KCNAB1: variants seen among roughly 807,000 people sequenced by gnomAD.
KCNAB1 encodes the protein voltage-gated potassium channel subunit beta-1.
Under a neutral mutation model 64.6 loss-of-function variants are expected in KCNAB1, and 35 were observed. That is an observed-to-expected ratio of 0.54 (90% CI 0.41 to 0.72). The LOEUF (loss-of-function observed/expected upper bound fraction) is 0.72, where lower values mean the gene tolerates loss of function less well. KCNAB1 is among the 30% of genes least tolerant of loss of function. The pLI, the probability that KCNAB1 is intolerant of heterozygous loss-of-function variation, is 0.00. For missense variants in KCNAB1, 401 were observed against 512.9 expected (o/e 0.78, Z 2.11); for synonymous variants, 177 against 183.8 (o/e 0.96, Z 0.30).
In KCNAB1 at chr3:156,505,258, A is replaced by G. The variant is rs536414610; in HGVS notation, c.659-9106A>G. Reference sequence around the variant, plus strand: ...TATTTCTAGTCTATTCCATTGATCTATGTGTCTGTTTTTATGCCAGTATCA... The same window carrying G: ...TATTTCTAGTCTATTCCATTGATCTGTGTGTCTGTTTTTATGCCAGTATCA... On this transcript the variant is annotated intron_variant, in intron 8 of 13. Transcript: ENST00000490337. Among the ~76,000 whole-genome samples, 20 of 152,184 alleles carry G rather than the reference A, an allele frequency of 1.3e-4. No individual in the cohort carries two copies. The East Asian group carries it at 3.9e-3, about 29-fold the overall frequency.
At chr3:156,170,221 G>GT (rs527980009) in intron 1 of KCNAB1, among the ~76,000 whole-genome samples, 5,735 of 130,452 alleles carry the variant, frequency 0.044, 134 homozygotes, top group South Asian at 0.078. Flanking sequence ...CCAAGGAATC[G>GT]TTTTTTTTTT....
intron 1 of KCNAB1, among the ~76,000 whole-genome samples, chr3:156,265,284 G>T (rs1390241717): frequency 2.0e-5 from 3 of 152,172 alleles, no homozygotes; most frequent in African/African-American, 7.2e-5. Context: ...ATCATTGCTT[G>T]CTATTTTCTC....
At chr3:156,501,604 G>C (rs1332521683) in intron 8 of KCNAB1, among the ~76,000 whole-genome samples, 1 of 151,698 alleles carries the variant, frequency 6.6e-6, no homozygotes, top group Non-Finnish European at 1.5e-5. Context: ...GCTAATTACT[G>C]TATTTTTAGT....
At position 156,347,525 on chromosome 3, in the gene KCNAB1, C is replaced by T. The variant is rs1275977247; in HGVS notation, c.276-74091C>T. ...TCAATAAGTTTGGACTTCTTCAGTT[C>T]CATATTATAAAAAACTCATCCACCA... On this transcript the variant is annotated intron_variant, in intron 1 of 13. Transcript: ENST00000490337. 3.3e-5 allele frequency among the ~76,000 whole-genome samples: 5 copies of T among 152,176 alleles called. No homozygotes were observed. In the East Asian group the frequency reaches 9.6e-4, roughly 29 times the overall value.
chr3:156,190,323 T>A (rs975144611), intron 1 of KCNAB1, among the ~76,000 whole-genome samples: 1 of 152,196 alleles, frequency 6.6e-6, no homozygotes, highest in Non-Finnish European at 1.5e-5. Context: ...TTTCTTATTC[T>A]GTATTAAACA....
chr3:156,516,498 G>A (rs1200018417), intron 11 of KCNAB1, 134 bp downstream of exon 11: 1 of 673,596 alleles, frequency 1.5e-6, no homozygotes. Flanking sequence ...GCCTCTGGCA[G>A]GTTCCCCTAA....
chr3:156,191,749 AT>A (rs1230045945), intron 1 of KCNAB1, among the ~76,000 whole-genome samples: 1 of 152,102 alleles, frequency 6.6e-6, no homozygotes, highest in Non-Finnish European at 1.5e-5. Flanking sequence ...TACTGATGAC[AT>A]TTGCTTTTGC....
intron 1 of KCNAB1, among the ~76,000 whole-genome samples, chr3:156,338,154 C>G (rs976809116): frequency 2.0e-5 from 3 of 152,122 alleles, no homozygotes; most frequent in African/African-American, 7.2e-5. Context: ...TCTGGTTGAT[C>G]AAGTTCCAAG....
chr3:156,367,266 C>G (rs569228415), intron 1 of KCNAB1, among the ~76,000 whole-genome samples: 2 of 151,224 alleles, frequency 1.3e-5, no homozygotes, highest in African/African-American at 4.9e-5. Context: ...GGCTCCACCT[C>G]CTGGGTTCAC....
At chr3:156,433,131 CAG>C (rs1248336104) in intron 2 of KCNAB1, among the ~76,000 whole-genome samples, 6 of 152,178 alleles carry the variant, frequency 3.9e-5, no homozygotes, top group Non-Finnish European at 4.4e-5. Flanking sequence ...GCTGGGGAAA[CAG>C]GGAGAAACGA....
intron 1 of KCNAB1, among the ~76,000 whole-genome samples, chr3:156,203,820 A>T (rs1400114024): frequency 6.6e-6 from 1 of 152,218 alleles, no homozygotes; most frequent in Non-Finnish European, 1.5e-5. Flanking sequence ...TTACAGAAAT[A>T]ATATTTTCTA....
chr3:156,538,728 T>C (rs1018056375), downstream of KCNAB1: 29 of 152,248 alleles, frequency 1.9e-4, no homozygotes, highest in African/African-American at 7.0e-4. Flanking sequence ...AAAAATTATA[T>C]TGGCAGCTAA....
chr3:156,450,892 A>G (rs993425825), intron 2 of KCNAB1, among the ~76,000 whole-genome samples: 2 of 122,784 alleles, frequency 1.6e-5, no homozygotes, highest in African/African-American at 5.6e-5. Context: ...TTATGCTCCT[A>G]TTTTTTTCTT....
At chr3:156,482,699 T>C (rs1447830015) in intron 8 of KCNAB1, among the ~76,000 whole-genome samples, 3 of 152,128 alleles carry the variant, frequency 2.0e-5, no homozygotes, top group Non-Finnish European at 4.4e-5. Flanking sequence ...CTGGTTTTCT[T>C]ATCTGTAGAA....
intron 1 of KCNAB1, among the ~76,000 whole-genome samples, chr3:156,358,967 A>G (rs1416312693): frequency 6.6e-6 from 1 of 152,258 alleles, no homozygotes; most frequent in African/African-American, 2.4e-5. Flanking sequence ...GAATATTTTA[A>G]GCACAGCACA....
intron 7 of KCNAB1, among the ~76,000 whole-genome samples, chr3:156,470,854 A>AT (rs34534225): frequency 2.0e-5 from 3 of 152,096 alleles, no homozygotes; most frequent in South Asian, 2.1e-4. Flanking sequence ...TTGCCACAGG[A>AT]TTTTTTTTCA....
chr3:156,462,711 A>G (rs573793017), intron 5 of KCNAB1, among the ~76,000 whole-genome samples: 2 of 152,274 alleles, frequency 1.3e-5, no homozygotes, highest in Admixed American at 1.3e-4. Flanking sequence ...CGTTGACCCT[A>G]CAGATGATGG....
intron 1 of KCNAB1, among the ~76,000 whole-genome samples, chr3:156,138,271 A>T (rs148167689): frequency 6.3e-4 from 96 of 152,342 alleles, no homozygotes; most frequent in African/African-American, 2.2e-3. Context: ...AGCACTAGTG[A>T]GCAAACACGT....
chr3:156,379,426 T>G (rs541098564), intron 1 of KCNAB1, among the ~76,000 whole-genome samples: 8 of 152,064 alleles, frequency 5.3e-5, no homozygotes, highest in African/African-American at 1.9e-4. Flanking sequence ...GGTGTTGGTG[T>G]GGGAATTGTA....
Sources: allele counts gnomAD v4.1 joint callset (sites outside exome capture counted in the v4.1 genomes callset), GRCh38; gene constraint gnomAD v4.1.1; transcripts MANE v1.5; gene names NCBI Gene and HGNC (gene_info 2026-07-23, HGNC 2026-07-21).